Variants in LMBRD1 observed in about 807,000 individuals in gnomAD.
LMBRD1 encodes the protein LMBR1 domain containing 1, also known as lysosomal cobalamin transport escort protein LMBD1.
Under a neutral mutation model 74.8 loss-of-function variants are expected in LMBRD1, and 64 were observed. The observed-to-expected ratio is 0.86, with a 90% CI of 0.70 to 1.05. The LOEUF (loss-of-function observed/expected upper bound fraction) is 1.05. LMBRD1 is among the 50% of genes least tolerant of loss of function. The pLI is 0.00. For synonymous variants in LMBRD1, 204 were observed against 216.3 expected (o/e 0.94, Z 0.50); for missense variants, 652 against 645.9 (o/e 1.01, Z -0.10).
chr6:69,772,647 G>A (rs1394737067), intron 3 of LMBRD1, among the ~76,000 whole-genome samples: 1 of 152,054 alleles, frequency 6.6e-6, no homozygotes, highest in Non-Finnish European at 1.5e-5. Flanking sequence ...CTTTTAAAAA[G>A]GGGGAAAAGG....
chr6:69,717,333 C>T (rs996689974), intron 8 of LMBRD1, among the ~76,000 whole-genome samples: 8 of 152,044 alleles, frequency 5.3e-5, no homozygotes, highest in Admixed American at 5.2e-4. Context: ...TATTTCTTAT[C>T]TGACTCACAT....
rs1767156229 is a variant in LMBRD1, at chr6:69,743,665, C to T, written c.474-1788G>A. ...AAATTCAAAGCAGGTTCTTAAATTA[C>T]TTTACCATCAGGATTTTATAATCTA... On this transcript the variant is annotated intron_variant, in intron 5 of 15. Coordinates refer to ENST00000649934, the MANE Select transcript of LMBRD1 (RefSeq NM_018368.4). 2.6e-5 allele frequency among the ~76,000 whole-genome samples: 4 copies of T among 152,224 alleles called. No individual in the cohort carries two copies. The South Asian group carries it at 6.2e-4, about 24-fold the overall frequency.
At chr6:69,777,781 T>C (rs180894331) in intron 3 of LMBRD1, among the ~76,000 whole-genome samples, 66 of 152,152 alleles carry the variant, frequency 4.3e-4, no homozygotes, top group Admixed American at 9.2e-4. Flanking sequence ...CATGAAAATA[T>C]GTTGATATAT....
chr6:69,780,629 C>G (rs929923424), intron 2 of LMBRD1, 75 bp from the exon 3 acceptor site: 2 of 1,080,170 alleles, frequency 1.9e-6, no homozygotes, highest in Admixed American at 1.7e-5. Flanking sequence ...AGTTTTAATA[C>G]GACTGAATAT....
At chr6:69,792,582 A>G (rs1024999355) in intron 1 of LMBRD1, among the ~76,000 whole-genome samples, 14 of 152,210 alleles carry the variant, frequency 9.2e-5, no homozygotes, top group African/African-American at 3.1e-4. Context: ...AACAAAAAGG[A>G]TCTAGGCTCA....
At chr6:69,710,217 T>C (rs956311779) in intron 9 of LMBRD1, among the ~76,000 whole-genome samples, 6 of 152,078 alleles carry the variant, frequency 3.9e-5, no homozygotes, top group Non-Finnish European at 7.4e-5. Flanking sequence ...CTACAATCAA[T>C]TTATTTGACA....
At chr6:69,771,992 C>G (rs144442992) in intron 3 of LMBRD1, among the ~76,000 whole-genome samples, 69 of 152,230 alleles carry the variant, frequency 4.5e-4, no homozygotes, top group African/African-American at 1.5e-3. Context: ...TCAAGGATGA[C>G]TCTAAGGTTT....
chr6:69,719,339 C>G (rs1297516158), intron 7 of LMBRD1, among the ~76,000 whole-genome samples: 1 of 151,912 alleles, frequency 6.6e-6, no homozygotes, highest in Non-Finnish European at 1.5e-5. Flanking sequence ...CTGTACAATA[C>G]TTTATATCAA....
At chr6:69,729,675 T>G (rs1465492141) in intron 7 of LMBRD1, among the ~76,000 whole-genome samples, 1 of 152,042 alleles carries the variant, frequency 6.6e-6, no homozygotes, top group Non-Finnish European at 1.5e-5. Flanking sequence ...TTTAAAATAT[T>G]TTATAAAATA....
chr6:69,728,062 G>A (rs1182085057), intron 7 of LMBRD1, among the ~76,000 whole-genome samples: 1 of 152,120 alleles, frequency 6.6e-6, no homozygotes, highest in Non-Finnish European at 1.5e-5. Flanking sequence ...ATTGGCTCAC[G>A]ATTCCACCAA....
intron 3 of LMBRD1, among the ~76,000 whole-genome samples, chr6:69,770,479 T>A (rs1765555630): frequency 6.6e-6 from 1 of 152,202 alleles, no homozygotes; most frequent in South Asian, 2.1e-4. Flanking sequence ...CATATTTGTT[T>A]TCTGGTGAGA....
At chr6:69,763,057 AT>A (rs138972920) in intron 3 of LMBRD1, among the ~76,000 whole-genome samples, 85,747 of 150,532 alleles carry the variant, frequency 0.57, 24,813 homozygotes, top group East Asian at 0.73. Flanking sequence ...CCACTGGACA[AT>A]TTTTTTTTTA....
At chr6:69,774,991 G>A (rs9346349) in intron 3 of LMBRD1, among the ~76,000 whole-genome samples, 6,241 of 42,512 alleles carry the variant, frequency 0.15, 1,186 homozygotes, top group South Asian at 0.23. Flanking sequence ...GGAAGGAAGG[G>A]AGGGAGGGAG....
In LMBRD1 at chr6:69,735,338, A is replaced by C. The variant is rs1766952484; in HGVS notation, c.636+2604T>G. ...TGGGAATGTGGGAGGAAACCAGAGTACCCAGAGAAAACCCACGCAGACATG... is the reference window on the plus strand; with the variant it reads ...TGGGAATGTGGGAGGAAACCAGAGTCCCCAGAGAAAACCCACGCAGACATG... On this transcript the variant is annotated intron_variant, in intron 7 of 15. Coordinates refer to ENST00000649934, the MANE Select transcript of LMBRD1 (RefSeq NM_018368.4). Among the ~76,000 whole-genome samples, 5 of 152,206 alleles carry C rather than the reference A, an allele frequency of 3.3e-5. No individual in the cohort carries two copies. The South Asian group carries it at 1.0e-3, about 32-fold the overall frequency.
intron 14 of LMBRD1, among the ~76,000 whole-genome samples, chr6:69,691,043 C>A (rs1235163280): frequency 6.6e-6 from 1 of 151,936 alleles, no homozygotes; most frequent in Non-Finnish European, 1.5e-5. Context: ...CAGGTTTAGC[C>A]TTTCTACCTT....
rs1300325000 is a variant in LMBRD1 at position 69,701,944 on chromosome 6, C to T, written c.925G>A (p.Gly309Arg). The T allele has an allele frequency of 6.3e-7, 1 of 1,597,568 alleles. No individual in the cohort carries two copies. Among genetic ancestry groups the T allele is most frequent in the Admixed American group, 1.7e-5 (1 of 59,734 alleles). The change falls in exon 10 of 16, where the codon GGA becomes AGA. Residue 309 changes from glycine (G) to arginine (R), a missense_variant. Physicochemically the swap from Gly to Arg is moderately radical, Grantham distance 125. Transcript: ENST00000649934. ...GALRPLKIVW[G>R]IFFILVALLF... ...AATGCAACTAAGATGAAAAATATTC[C>T]CCAGACGATCTAAAAGCAAAAATAT...
In LMBRD1 at chr6:69,697,634, A is replaced by G. The variant is rs1340799992; in HGVS notation, c.1346T>C (p.Ile449Thr). The G allele has an allele frequency of 4.5e-6, 7 of 1,570,740 alleles. No individual in the cohort carries two copies. Among genetic ancestry groups the G allele is most frequent in the Non-Finnish European group, 6.1e-6 (7 of 1,141,980 alleles). Reference protein sequence around the residue: ...GSQNYLIETNITSDNHKGNST... With the variant: ...GSQNYLIETNTTSDNHKGNST... ...ATTGCCTTTATGATTATCAGAAGTT[A>G]TATTAGTCTGAAAGATAAAAATACA... is the stretch of plus-strand genomic sequence containing the variant. Residue 449 changes from isoleucine to threonine, a missense_variant, in exon 14 of 16, where the codon ATA (isoleucine) becomes ACA (threonine). Ile to Thr is a moderately conservative substitution (Grantham distance 89). Coordinates refer to ENST00000649934, the MANE Select transcript of LMBRD1 (RefSeq NM_018368.4).
At chr6:69,795,462 G>C (rs1481927090) in intron 1 of LMBRD1, among the ~76,000 whole-genome samples, 2 of 152,120 alleles carry the variant, frequency 1.3e-5, no homozygotes, top group Admixed American at 6.5e-5. Context: ...TATTTTGTTT[G>C]GTTTACATCC....
chr6:69,688,502 C>T (rs1385582409), intron 14 of LMBRD1, among the ~76,000 whole-genome samples: 1 of 150,408 alleles, frequency 6.6e-6, no homozygotes. Context: ...AAGACATATT[C>T]CATATTCTGG....
Sources: allele counts gnomAD v4.1 joint callset (sites outside exome capture counted in the v4.1 genomes callset), GRCh38; gene constraint gnomAD v4.1.1; transcripts MANE v1.5; gene names NCBI Gene and HGNC (gene_info 2026-07-23, HGNC 2026-07-21).